Variants in PDE3B observed in about 807,000 individuals in gnomAD.
PDE3B encodes the protein phosphodiesterase 3B, also known as cGMP-inhibited 3',5'-cyclic phosphodiesterase 3B.
Under a neutral mutation model 116.8 loss-of-function variants are expected in PDE3B, and 66 were observed. The observed-to-expected ratio is 0.56, with a 90% confidence interval of 0.46 to 0.69. The LOEUF is 0.69. PDE3B is among the 30% of genes least tolerant of loss of function. The pLI, the probability that PDE3B is intolerant of heterozygous loss-of-function variation, is 0.00. For missense variants in PDE3B, 1,384 were observed against 1,368.1 expected, an observed-to-expected ratio of 1.01 and a Z score of -0.18; for synonymous variants, 595 against 533.6, an observed-to-expected ratio of 1.12 and a Z score of -1.59.
intron 1 of PDE3B, among the ~76,000 whole-genome samples, chr11:14,740,921 T>G (rs1370078721): frequency 6.6e-6 from 1 of 152,190 alleles, no homozygotes; most frequent in East Asian, 1.9e-4. Context: ...TTGAGTGAGT[T>G]TCTTAATCCT....
intron 12 of PDE3B, among the ~76,000 whole-genome samples, chr11:14,852,921 C>T (rs980414435): frequency 8.6e-5 from 13 of 152,028 alleles, no homozygotes; most frequent in Admixed American, 3.9e-4. Flanking sequence ...ATAGTAAACT[C>T]TCCAATGGCA....
the PDE3B span, chr11:14,891,996 G>T: frequency 6.2e-7 from 1 of 1,613,368 alleles, no homozygotes; most frequent in South Asian, 1.1e-5. Flanking sequence ...CGTACACCTG[G>T]CTCTGCTTTC....
intron 1 of PDE3B, among the ~76,000 whole-genome samples, chr11:14,740,115 T>C (rs1207396065): frequency 6.6e-6 from 1 of 152,208 alleles, no homozygotes; most frequent in Non-Finnish European, 1.5e-5. Flanking sequence ...GCTAAACTCA[T>C]AAAATGAGTT....
chr11:14,869,767 C>A lies in PDE3B; in HGVS notation c.*107C>A. On this transcript the variant is annotated 3_prime_UTR_variant, in exon 16 of 16. Coordinates refer to ENST00000282096, the MANE Select transcript of PDE3B (RefSeq NM_000922.4). The stretch of plus-strand genomic sequence containing the variant: ...ACCGGCTGACTCTCAACTGACCATT[C>A]CCATGTGGACAGGCCTTAATACTGT... 2 of 842,842 alleles carry A rather than the reference C, an allele frequency of 2.4e-6. No homozygotes were observed. The highest frequency in any genetic ancestry group is 1.7e-5 in the African/African-American group (1 of 58,690). The allele number at this position is 842,842 out of a possible 1,614,324, so 52.2% of individuals were successfully genotyped here. A position where few individuals can be genotyped will look rare whatever the true frequency, so the allele number is the denominator to read the frequency against.
At chr11:14,767,090 T>A (rs1324011775) in intron 1 of PDE3B, among the ~76,000 whole-genome samples, 2 of 151,668 alleles carry the variant, frequency 1.3e-5, no homozygotes, top group Non-Finnish European at 3.0e-5. Flanking sequence ...GAGCACAGAA[T>A]CTGAATGGTG....
At position 14,681,728 on chromosome 11, in the gene PDE3B, T is replaced by C. The variant is rs577244856; in HGVS notation, c.978+36675T>C. Among the ~76,000 whole-genome samples, 14 of 152,286 alleles carry C rather than the reference T, an allele frequency of 9.2e-5. No individual in the cohort carries two copies. In the East Asian group the frequency reaches 2.5e-3, roughly 27 times the overall value. On this transcript the variant is annotated intron_variant, in intron 1 of 15. Transcript: ENST00000282096. ...TCTTTGCTAGTATATAGAAATACAA[T>C]TGAGTTTTGTGTGTTGGCTTTGTAT...
intron 12 of PDE3B, among the ~76,000 whole-genome samples, chr11:14,856,142 T>C (rs925324431): frequency 1.3e-5 from 2 of 152,214 alleles, no homozygotes; most frequent in African/African-American, 4.8e-5. Context: ...TGAGATCTGA[T>C]GGTTTAAAAG....
At chr11:14,893,160 T>C in the PDE3B span, among the ~76,000 whole-genome samples, 50 of 152,376 alleles carry the variant, frequency 3.3e-4, no homozygotes, top group African/African-American at 1.2e-3. Flanking sequence ...TCCCATGTCC[T>C]AAGCAATGGA....
chr11:14,832,425 G>T (rs556221613), intron 9 of PDE3B, among the ~76,000 whole-genome samples: 9 of 152,258 alleles, frequency 5.9e-5, no homozygotes, highest in African/African-American at 2.2e-4. Flanking sequence ...GATTAGAATA[G>T]AATTCACATG....
intron 1 of PDE3B, among the ~76,000 whole-genome samples, chr11:14,668,999 C>T (rs1590048058): frequency 6.6e-6 from 1 of 152,210 alleles, no homozygotes; most frequent in East Asian, 1.9e-4. Flanking sequence ...ATAGATGGCA[C>T]ACTCAAATGG....
chr11:14,845,714 T>C lies in PDE3B; in HGVS notation c.2520+1688T>C, dbSNP rs527878721. Among the ~76,000 whole-genome samples the C allele has an allele frequency of 3.2e-4, 48 of 152,330 alleles. No individual in the cohort carries two copies. The East Asian group carries it at 8.9e-3, about 28-fold the overall frequency. On this transcript the variant is annotated intron_variant, in intron 12 of 15. Transcript: ENST00000282096. ...AATGCAGAAGCCTCAGGAGCCGATGTGATCAACCGGAAGAAAGGGTTTCGG... is the reference window on the plus strand; with the variant it reads ...AATGCAGAAGCCTCAGGAGCCGATGCGATCAACCGGAAGAAAGGGTTTCGG...
chr11:14,780,175 G>T (rs1390018569), intron 2 of PDE3B, among the ~76,000 whole-genome samples: 1 of 152,126 alleles, frequency 6.6e-6, no homozygotes, highest in African/African-American at 2.4e-5. Context: ...CAAGTCCTTA[G>T]AGACCTACAA....
intron 13 of PDE3B, 127 bp downstream of exon 13, chr11:14,859,373 AATAAT>A (rs1847906400): frequency 7.0e-6 from 4 of 574,184 alleles, no homozygotes; most frequent in Non-Finnish European, 6.0e-6. Flanking sequence ...GTTGATATAA[AATAAT>A]ATATATGCCT....
rs117710128 is a variant in PDE3B at position 14,819,029 on chromosome 11, G to A, written c.1734-107G>A. 2,942 of 610,400 alleles carry A rather than the reference G, an allele frequency of 4.8e-3. 11 individuals are homozygous for A. The highest frequency in any genetic ancestry group is 6.7e-3 in the Non-Finnish European group (2,256 of 337,578). 37.8% of individuals were successfully genotyped at this position (610,400 alleles called of 1,614,324 possible). ...TGGAGAGATTGGAATTTTAGGATGC[G>A]TTGCAGTTGGGATCTTGGTTAAAAA... On this transcript the variant is annotated intron_variant, in intron 6 of 15. Coordinates refer to ENST00000282096, the MANE Select transcript of PDE3B (RefSeq NM_000922.4).
chr11:14,650,147 G>A (rs886170074), intron 1 of PDE3B, among the ~76,000 whole-genome samples: 1 of 150,526 alleles, frequency 6.6e-6, no homozygotes, highest in Non-Finnish European at 1.5e-5. Flanking sequence ...ATCTGCTACA[G>A]CACGTTCTTT....
chr11:14,814,135 T>A (rs1294436208), intron 5 of PDE3B, among the ~76,000 whole-genome samples: 1 of 152,274 alleles, frequency 6.6e-6, no homozygotes, highest in East Asian at 1.9e-4. Flanking sequence ...AAAGTATCTA[T>A]CAAAAATGTT....
chr11:14,705,197 A>G (rs1253080655), intron 1 of PDE3B, among the ~76,000 whole-genome samples: 2 of 151,758 alleles, frequency 1.3e-5, no homozygotes, highest in Non-Finnish European at 3.0e-5. Context: ...CCACACAAAA[A>G]TTTCGTCATG....
intron 12 of PDE3B, among the ~76,000 whole-genome samples, chr11:14,853,719 A>G (rs554879498): frequency 6.6e-6 from 1 of 152,318 alleles, no homozygotes; most frequent in African/African-American, 2.4e-5. Flanking sequence ...TGCTAGAAAG[A>G]TACAGGAGGA....
chr11:14,783,581 G>T (rs1375489682), intron 2 of PDE3B, among the ~76,000 whole-genome samples: 1 of 152,086 alleles, frequency 6.6e-6, no homozygotes, highest in African/African-American at 2.4e-5. Context: ...GACACAGGAA[G>T]GGGAACATCA....
Sources: allele counts gnomAD v4.1 joint callset (sites outside exome capture counted in the v4.1 genomes callset), GRCh38; gene constraint gnomAD v4.1.1; transcripts MANE v1.5; gene names NCBI Gene and HGNC (gene_info 2026-07-23, HGNC 2026-07-21).